The following IFNGR2 variants were observed in gnomAD, a reference collection of about 807,000 sequenced individuals.
IFNGR2 encodes interferon gamma receptor 2.
A neutral mutation model predicts 41.1 loss-of-function variants in IFNGR2; 15 were observed. That is an observed-to-expected ratio of 0.37 (90% confidence interval 0.24 to 0.56). The LOEUF (loss-of-function observed/expected upper bound fraction) is 0.56, where lower values mean the gene tolerates loss of function less well. Ranked by LOEUF, IFNGR2 falls within the 20% of genes least tolerant of loss-of-function variation. The pLI is 0.81. For missense variants in IFNGR2, 362 were observed against 415.7 expected (o/e 0.87, Z 1.12); for synonymous variants, 161 against 171.6 (o/e 0.94, Z 0.48).
chr21:33,419,251 G>T (rs147466452), intron 2 of IFNGR2, among the ~76,000 whole-genome samples: 2 of 151,980 alleles, frequency 1.3e-5, no homozygotes, highest in African/African-American at 4.8e-5. Context: ...GATTACAGGC[G>T]CCCGCCACCA....
intron 1 of IFNGR2, among the ~76,000 whole-genome samples, chr21:33,404,128 T>A (rs1345328413): frequency 6.6e-6 from 1 of 152,256 alleles, no homozygotes. Flanking sequence ...CCGCCTTTGC[T>A]GGCCACTGGT....
At chr21:33,421,061 A>G (rs2083787857) in intron 2 of IFNGR2, among the ~76,000 whole-genome samples, 1 of 151,822 alleles carries the variant, frequency 6.6e-6, no homozygotes, top group Admixed American at 6.6e-5. Context: ...ACCAGGCATG[A>G]TGGTGCATGC....
At position 33,437,135 on chromosome 21, in the gene IFNGR2, T is replaced by G; in HGVS notation, c.*173T>G. On this transcript the variant is annotated 3_prime_UTR_variant, in exon 7 of 7. Coordinates refer to ENST00000290219, the MANE Select transcript of IFNGR2 (RefSeq NM_005534.4). ...TCATGGGGGTGACAAGCTTTTTTTT[T>G]TTTTCTTAAAGAATTTTCAAAATCA... 1.7e-6 allele frequency: 1 copy of G among 602,344 alleles called. No individual in the cohort carries two copies. The highest frequency in any genetic ancestry group is 2.9e-6 in the Non-Finnish European group (1 of 343,424). The allele number at this position is 602,344 out of a possible 1,614,324, so 37.3% of individuals were successfully genotyped here.
At position 33,403,594 on chromosome 21, in the gene IFNGR2, CG is replaced by C; in HGVS notation, c.52del (p.Ala18ProfsTer30). ...TGCTGCTGCTGCTCGGAGTCTTCGCCGCCGCCGCCGCGGCCCCGCCAGGTGA... is the reference window on the plus strand; with the variant it reads ...TGCTGCTGCTGCTCGGAGTCTTCGCCCCGCCGCCGCGGCCCCGCCAGGTGA... ...SLLLLLGVFAAAAAAPPDPLS... is the reference protein window; with the variant it reads ...SLLLLLGVFAXAAAAPPDPLS... On this transcript the variant is annotated frameshift_variant, in exon 1 of 7. Transcript: ENST00000290219. LOFTEE classifies it high-confidence loss of function. The C allele has an allele frequency of 7.3e-7, 1 of 1,370,334 alleles. No individual in the cohort carries two copies. Among genetic ancestry groups the C allele is most frequent in the Non-Finnish European group, 9.4e-7 (1 of 1,059,062 alleles). The allele number at this position is 1,370,334 out of a possible 1,614,324, so 84.9% of individuals were successfully genotyped here.
chr21:33,408,127 T>G (rs1370630286), intron 1 of IFNGR2, among the ~76,000 whole-genome samples: 1 of 152,092 alleles, frequency 6.6e-6, no homozygotes, highest in Non-Finnish European at 1.5e-5. Context: ...TAATTATATT[T>G]TATTTTATTA....
At chr21:33,403,681 A>C in intron 1 of IFNGR2, 65 bp downstream of exon 1, 3 of 1,040,652 alleles carry the variant, frequency 2.9e-6, no homozygotes, top group Non-Finnish European at 2.4e-6. Context: ...GGGCTGGGGG[A>C]CTCCCGGATC....
chr21:33,418,768 C>G (rs780513253), intron 2 of IFNGR2, among the ~76,000 whole-genome samples: 2 of 151,668 alleles, frequency 1.3e-5, no homozygotes, highest in African/African-American at 4.8e-5. Context: ...TTGTTGCCAA[C>G]ATTAAGAAAT....
chr21:33,415,472 A>G (rs2083747515), intron 2 of IFNGR2, among the ~76,000 whole-genome samples: 1 of 152,052 alleles, frequency 6.6e-6, no homozygotes, highest in Non-Finnish European at 1.5e-5. Context: ...CATTTTGCAT[A>G]TTATCCTGGC....
At chr21:33,404,530 C>T (rs1254841745) in intron 1 of IFNGR2, among the ~76,000 whole-genome samples, 18 of 152,114 alleles carry the variant, frequency 1.2e-4, no homozygotes, top group Admixed American at 1.2e-3. Flanking sequence ...CTCCGCCTCC[C>T]GTGCTCAAGC....
intron 3 of IFNGR2, 87 bp downstream of exon 3, chr21:33,421,772 T>A: frequency 9.6e-7 from 1 of 1,038,910 alleles, no homozygotes; most frequent in Non-Finnish European, 1.5e-6. Flanking sequence ...CTGTCCTGCC[T>A]GTCACCCTAA....
chr21:33,411,289 C>T (rs561451744), intron 1 of IFNGR2, among the ~76,000 whole-genome samples: 46 of 152,278 alleles, frequency 3.0e-4, no homozygotes, highest in African/African-American at 1.1e-3. Flanking sequence ...CTGTTCCACG[C>T]GTCGCTTGGG....
Position 33,421,489 on chromosome 21 carries a change from T to C in IFNGR2, c.216T>C (p.Ser72=), listed in dbSNP as rs2083791660. ...VYQVQFKYTD[S]KWFTADIMSI... is the part of the protein sequence containing the mutation. ...CTTTTTTCCTTCCCAGCACCGACAG[T>C]AAATGGTTCACGGCCGACATCATGT... Residue 72 remains serine (S), a synonymous_variant, in exon 3 of 7, where the codon AGT becomes AGC. Coordinates refer to ENST00000290219, the MANE Select transcript of IFNGR2 (RefSeq NM_005534.4). 6.2e-7 allele frequency: 1 copy of C among 1,613,842 alleles called. No individual in the cohort carries two copies. The highest frequency in any genetic ancestry group is 1.1e-5 in the South Asian group (1 of 91,074).
chr21:33,405,002 C>G (rs2083667215), intron 1 of IFNGR2, among the ~76,000 whole-genome samples: 1 of 151,548 alleles, frequency 6.6e-6, no homozygotes, highest in Admixed American at 6.6e-5. Context: ...GCCTGTAATC[C>G]CAACTACTCA....
At chr21:33,419,371 G>A (rs982994520) in intron 2 of IFNGR2, among the ~76,000 whole-genome samples, 1 of 152,096 alleles carries the variant, frequency 6.6e-6, no homozygotes, top group Non-Finnish European at 1.5e-5. Flanking sequence ...GCCTCCCAAA[G>A]TGCTGGGATT....
At chr21:33,430,269 A>AAT (rs2083874429) in intron 4 of IFNGR2, among the ~76,000 whole-genome samples, 2 of 152,352 alleles carry the variant, frequency 1.3e-5, no homozygotes, top group South Asian at 4.1e-4. Context: ...TGTGACTCTA[A>AAT]ATTTTAGGAA....
At chr21:33,413,826 CTTTTTT>C (rs3057381) in intron 1 of IFNGR2, among the ~76,000 whole-genome samples, 1 of 61,738 alleles carries the variant, frequency 1.6e-5, no homozygotes, top group Non-Finnish European at 2.8e-5. Context: ...GCCCCCTAAC[CTTTTTT>C]TTTTTTTTTT....
intron 2 of IFNGR2, among the ~76,000 whole-genome samples, chr21:33,417,650 C>T (rs947609164): frequency 6.6e-6 from 1 of 152,182 alleles, no homozygotes; most frequent in Non-Finnish European, 1.5e-5. Context: ...CGCAGAGCAT[C>T]AAATGAAGTG....
Position 33,403,433 on chromosome 21 carries a change from C to T in IFNGR2, c.-111C>T, listed in dbSNP as rs914813287. 3 of 511,576 alleles carry T rather than the reference C, an allele frequency of 5.9e-6. No homozygotes were observed. The highest frequency in any genetic ancestry group is 7.9e-6 in the Non-Finnish European group (3 of 380,112). 31.7% of individuals were successfully genotyped at this position (511,576 alleles called of 1,614,324 possible). ...CCGCTGCTGCTCGGGAAGAGGCGGGCCCTGCGCGCCCTGCGCTCGCCATGG... is the reference window on the plus strand; with the variant it reads ...CCGCTGCTGCTCGGGAAGAGGCGGGTCCTGCGCGCCCTGCGCTCGCCATGG... On this transcript the variant is annotated 5_prime_UTR_variant, in exon 1 of 7. Coordinates refer to ENST00000290219, the MANE Select transcript of IFNGR2 (RefSeq NM_005534.4).
intron 6 of IFNGR2, among the ~76,000 whole-genome samples, chr21:33,435,841 G>A (rs1362117238): frequency 1.0e-4 from 12 of 120,062 alleles, no homozygotes; most frequent in Non-Finnish European, 1.4e-4. Flanking sequence ...TGAGATCCAC[G>A]CCACTGCACT....
Sources: allele counts gnomAD v4.1 joint callset (sites outside exome capture counted in the v4.1 genomes callset), GRCh38; gene constraint gnomAD v4.1.1; transcripts MANE v1.5; gene names NCBI Gene and HGNC (gene_info 2026-07-23, HGNC 2026-07-21).